The following TRHDE variants were observed in gnomAD, a reference collection of about 807,000 sequenced individuals.
TRHDE encodes the protein thyrotropin releasing hormone degrading enzyme, also known as thyrotropin-releasing hormone-degrading ectoenzyme.
In TRHDE, 72 loss-of-function variants were observed where a neutral mutation model predicts 125.7. The ratio of observed to expected loss-of-function variants is 0.57; its 90% CI spans 0.47 to 0.70. The LOEUF is 0.70. TRHDE is among the 30% of genes least tolerant of loss of function. The probability of loss-of-function intolerance (pLI) is 0.00; values close to 1 mark genes in which losing one functional copy is unlikely to be tolerated. For missense variants in TRHDE, 1,110 were observed against 1,327.1 expected (o/e 0.84, Z 2.54); for synonymous variants, 509 against 509.1 (o/e 1.00, Z 0.00).
Position 72,194,085 on chromosome 12 carries a change from C to T in TRHDE, n.279+88333C>T, listed in dbSNP as rs191320988. On this transcript the variant is annotated intron_variant and non_coding_transcript_variant, in intron 2 of 4. Transcript: ENST00000548156. ...ATAATTTGATAAACACCCAACAGAA[C>T]ATAATAACTTTTGGGAAAGTAATTT... Among the ~76,000 whole-genome samples, 184 of 152,108 alleles carry T rather than the reference C, an allele frequency of 1.2e-3. 1 individual carries two copies. Among genetic ancestry groups the T allele is most frequent in the African/African-American group, 4.1e-3 (172 of 41,504 alleles).
chr12:72,465,099 G>A (rs1037666290), intron 3 of TRHDE, among the ~76,000 whole-genome samples: 9 of 152,016 alleles, frequency 5.9e-5, no homozygotes, highest in African/African-American at 2.2e-4. Flanking sequence ...ATTTTAATGG[G>A]TATAGTCTCA....
At position 72,665,501 on chromosome 12, in the gene TRHDE, C is replaced by T. The variant is rs1276638853; in HGVS notation, c.*2306C>T. 6.6e-6 allele frequency: 1 copy of T among 152,268 alleles called. No individual in the cohort carries two copies. Among genetic ancestry groups the T allele is most frequent in the Non-Finnish European group, 1.5e-5 (1 of 67,908 alleles). 9.4% of individuals were successfully genotyped at this position (152,268 alleles called of 1,614,324 possible). ...TCTACATATTTTTCAATAATTTATTCTTTCTAATGTTGAAATTATATCAGG... is the reference window on the plus strand; with the variant it reads ...TCTACATATTTTTCAATAATTTATTTTTTCTAATGTTGAAATTATATCAGG... On this transcript the variant is annotated 3_prime_UTR_variant, in exon 19 of 19. Coordinates refer to ENST00000261180, the MANE Select transcript of TRHDE (RefSeq NM_013381.3).
Position 72,618,926 on chromosome 12 carries a change from T to C in TRHDE, c.2357T>C (p.Ile786Thr), listed in dbSNP as rs774986210. 18 of 1,579,798 alleles carry C rather than the reference T, an allele frequency of 1.1e-5. No homozygotes were observed. Among genetic ancestry groups the C allele is most frequent in the South Asian group, 7.0e-5 (6 of 85,204 alleles). ...GYLPQNIPLE[I>T]IRYLSEEKDF... Reference sequence around the variant, plus strand: ...TTGCCTCAGAATATTCCTCTGGAGATTATCAGATACCTGTCTGAGGAGAAG... The same window carrying C: ...TTGCCTCAGAATATTCCTCTGGAGACTATCAGATACCTGTCTGAGGAGAAG... The change falls in exon 13 of 19, where the codon ATT becomes ACT. Residue 786 changes from isoleucine to threonine, a missense_variant. Physicochemically the swap from Ile to Thr is moderately conservative, Grantham distance 89. Transcript: ENST00000261180.
chr12:72,295,607 G>A (rs1880267122), intron 2 of TRHDE, among the ~76,000 whole-genome samples: 2 of 152,062 alleles, frequency 1.3e-5, no homozygotes, highest in South Asian at 4.2e-4. Flanking sequence ...CCACATCCAG[G>A]AAAGTACAAG....
chr12:72,320,175 CAT>C (rs1869014619), intron 2 of TRHDE, among the ~76,000 whole-genome samples: 1 of 152,014 alleles, frequency 6.6e-6, no homozygotes, highest in Non-Finnish European at 1.5e-5. Flanking sequence ...TGCATACACA[CAT>C]AGAGGCATGT....
At chr12:72,358,954 C>T (rs952739532) in intron 2 of TRHDE, among the ~76,000 whole-genome samples, 26 of 151,370 alleles carry the variant, frequency 1.7e-4, no homozygotes, top group Non-Finnish European at 1.8e-4. Context: ...AAACTCTAAC[C>T]ACTGCCCCCT....
intron 2 of TRHDE, among the ~76,000 whole-genome samples, chr12:72,212,058 A>T (rs939512630): frequency 2.0e-5 from 3 of 152,178 alleles, no homozygotes; most frequent in Non-Finnish European, 2.9e-5. Flanking sequence ...ATTCACAGAA[A>T]ATAGGGTTTG....
intron 15 of TRHDE, among the ~76,000 whole-genome samples, 168 bp downstream of exon 15, chr12:72,621,919 C>A (rs1435506801): frequency 1.3e-5 from 2 of 152,104 alleles, no homozygotes; most frequent in African/African-American, 4.8e-5. Context: ...GTGTGAAAGT[C>A]ACAATACAGG....
At chr12:72,653,503 A>G (rs1874589908) in intron 17 of TRHDE, among the ~76,000 whole-genome samples, 1 of 152,142 alleles carries the variant, frequency 6.6e-6, no homozygotes, top group African/African-American at 2.4e-5. Context: ...TTATAAATAC[A>G]GTGGTATTAT....
At chr12:72,399,377 C>T (rs979220523) in intron 3 of TRHDE, among the ~76,000 whole-genome samples, 5 of 152,090 alleles carry the variant, frequency 3.3e-5, no homozygotes, top group Non-Finnish European at 5.9e-5. Context: ...AAGTACTAAC[C>T]ATTTTATCCA....
rs563163204 is a variant in TRHDE, at chr12:72,334,627, C to T, written c.1189-43368C>T. Among the ~76,000 whole-genome samples the T allele has an allele frequency of 1.3e-4, 20 of 152,328 alleles. 1 individual carries two copies. The highest frequency in any genetic ancestry group is 1.3e-3 in the Admixed American group (20 of 15,302). On this transcript the variant is annotated intron_variant, in intron 2 of 18. Coordinates refer to ENST00000261180, the MANE Select transcript of TRHDE (RefSeq NM_013381.3). ...TCGCCTGGCAAATGCCCTTGTAGCT[C>T]TTGTCTGATCCATATCCAGTTTATG... is the stretch of plus-strand genomic sequence containing the variant.
chr12:72,248,461 G>A (rs536485595), intron 2 of TRHDE, among the ~76,000 whole-genome samples: 1 of 144,860 alleles, frequency 6.9e-6, no homozygotes, highest in East Asian at 2.0e-4. Flanking sequence ...ATTCATATGT[G>A]TTTTCACATA....
At chr12:72,456,787 A>G (rs1875876498) in intron 3 of TRHDE, among the ~76,000 whole-genome samples, 1 of 152,162 alleles carries the variant, frequency 6.6e-6, no homozygotes, top group African/African-American at 2.4e-5. Context: ...TTAGTGATTC[A>G]CATTAGATAC....
chr12:72,149,910 TA>T, intron 2 of TRHDE, among the ~76,000 whole-genome samples: 1 of 152,310 alleles, frequency 6.6e-6, no homozygotes, highest in East Asian at 1.9e-4. Context: ...GGATACTCCA[TA>T]AGTACTTTGA....
chr12:72,271,076 T>G (rs1018041149), upstream of TRHDE, among the ~76,000 whole-genome samples: 1 of 152,136 alleles, frequency 6.6e-6, no homozygotes, highest in Non-Finnish European at 1.5e-5. Flanking sequence ...AGTCTCAGGG[T>G]TTTGGTCCTG....
chr12:72,168,936 C>T (rs534635048), intron 2 of TRHDE, among the ~76,000 whole-genome samples: 2 of 152,192 alleles, frequency 1.3e-5, no homozygotes, highest in Admixed American at 6.5e-5. Context: ...GAAAAGAGAC[C>T]TTTAATAAGT....
At chr12:72,185,227 T>TG (rs921976896) in intron 2 of TRHDE, among the ~76,000 whole-genome samples, 7 of 152,300 alleles carry the variant, frequency 4.6e-5, no homozygotes, top group African/African-American at 1.7e-4. Flanking sequence ...CCCCCAGCAG[T>TG]GCCGGCCCAC....
At chr12:72,312,912 G>C (rs930898218) in intron 2 of TRHDE, among the ~76,000 whole-genome samples, 2 of 152,008 alleles carry the variant, frequency 1.3e-5, no homozygotes, top group African/African-American at 4.8e-5. Context: ...AGTTTTTGAG[G>C]GTCTTGAAGC....
chr12:72,200,136 A>G (rs1877526397), intron 2 of TRHDE, among the ~76,000 whole-genome samples: 1 of 152,122 alleles, frequency 6.6e-6, no homozygotes, highest in Admixed American at 6.6e-5. Context: ...ATATTGATGG[A>G]TGGAGATTTA....
Sources: allele counts gnomAD v4.1 joint callset (sites outside exome capture counted in the v4.1 genomes callset), GRCh38; gene constraint gnomAD v4.1.1; transcripts MANE v1.5; gene names NCBI Gene and HGNC (gene_info 2026-07-23, HGNC 2026-07-21).